Variants in TMEM117 observed in about 807,000 individuals in gnomAD.
TMEM117 encodes the protein transmembrane protein 117.
A neutral mutation model predicts 52.4 loss-of-function variants in TMEM117; 27 were observed. That is an observed-to-expected ratio of 0.51 (90% confidence interval 0.38 to 0.71). The LOEUF is 0.71. Among genes scored for constraint, TMEM117 ranks in the 30% least tolerant of loss-of-function variants. TMEM117 has a pLI of 0.00. For synonymous variants in TMEM117, 215 were observed against 206.3 expected, an observed-to-expected ratio of 1.04 and a Z score of -0.36; for missense variants, 556 against 630.5, an observed-to-expected ratio of 0.88 and a Z score of 1.26.
chr12:44,062,951 A>T (rs183620941), intron 3 of TMEM117, among the ~76,000 whole-genome samples: 34 of 152,348 alleles, frequency 2.2e-4, no homozygotes, highest in Middle Eastern at 3.4e-3. Flanking sequence ...ATGTAAACCT[A>T]AAAATGTAAT....
intron 5 of TMEM117, among the ~76,000 whole-genome samples, chr12:44,252,622 C>T (rs1399306897): frequency 2.6e-5 from 4 of 152,238 alleles, no homozygotes; most frequent in African/African-American, 4.8e-5. Flanking sequence ...TCTTCATTTG[C>T]ACATCCCTTG....
chr12:43,993,153 C>A (rs528981513), intron 3 of TMEM117, among the ~76,000 whole-genome samples: 27 of 152,152 alleles, frequency 1.8e-4, no homozygotes, highest in Non-Finnish European at 3.8e-4. Flanking sequence ...TAAAGACATT[C>A]AAGTAAACCT....
chr12:43,899,519 C>A (rs1944269704), intron 2 of TMEM117, among the ~76,000 whole-genome samples: 1 of 152,120 alleles, frequency 6.6e-6, no homozygotes, highest in Admixed American at 6.5e-5. Context: ...AGTAGTTTGC[C>A]ATATTGTGAA....
intron 3 of TMEM117, among the ~76,000 whole-genome samples, chr12:44,032,561 C>T (rs189369333): frequency 1.2e-4 from 19 of 152,240 alleles, no homozygotes; most frequent in Non-Finnish European, 2.5e-4. Context: ...CATGGAAAGC[C>T]TTCTAATTTA....
chr12:43,994,098 A>G (rs1300312021), intron 3 of TMEM117, among the ~76,000 whole-genome samples: 1 of 152,180 alleles, frequency 6.6e-6, no homozygotes, highest in Non-Finnish European at 1.5e-5. Context: ...TCAGGGACCA[A>G]CCTGAGTCCA....
At chr12:44,043,880 G>A (rs530580164) in intron 3 of TMEM117, among the ~76,000 whole-genome samples, 27 of 152,318 alleles carry the variant, frequency 1.8e-4, no homozygotes, top group African/African-American at 5.5e-4. Flanking sequence ...AGTTGGATCG[G>A]GCTGAATTTA....
At chr12:44,309,260 C>T (rs1261267082) in intron 6 of TMEM117, among the ~76,000 whole-genome samples, 1 of 152,100 alleles carries the variant, frequency 6.6e-6, no homozygotes, top group Non-Finnish European at 1.5e-5. Flanking sequence ...TGCCTAAGGT[C>T]ATAAAGTCAG....
chr12:43,797,505 G>T, the TMEM117 span: 1 of 1,443,968 alleles, frequency 6.9e-7, no homozygotes. Context: ...AGGAAATTAA[G>T]TTAAAACATA....
chr12:43,934,970 T>A (rs1320707196), intron 2 of TMEM117, among the ~76,000 whole-genome samples: 1 of 152,162 alleles, frequency 6.6e-6, no homozygotes, highest in Non-Finnish European at 1.5e-5. Context: ...GGAATAATTC[T>A]CATATTTTAG....
intron 4 of TMEM117, among the ~76,000 whole-genome samples, chr12:44,158,761 C>A (rs968438789): frequency 6.6e-6 from 1 of 151,856 alleles, no homozygotes; most frequent in Admixed American, 6.6e-5. Flanking sequence ...CATTTGGGAA[C>A]TTTAAAAAAA....
intron 2 of TMEM117, among the ~76,000 whole-genome samples, chr12:43,889,001 A>G (rs562200166): frequency 6.6e-6 from 1 of 152,024 alleles, no homozygotes; most frequent in Non-Finnish European, 1.5e-5. Context: ...TTTGTGGAAG[A>G]CAGTTTTTTC....
intron 6 of TMEM117, among the ~76,000 whole-genome samples, chr12:44,326,035 C>T (rs1010657733): frequency 6.6e-6 from 1 of 151,902 alleles, no homozygotes; most frequent in African/African-American, 2.4e-5. Flanking sequence ...TGGTGGCGTG[C>T]GCCTGGAATC....
At chr12:44,006,009 A>AC (rs1402788043) in intron 3 of TMEM117, among the ~76,000 whole-genome samples, 1 of 152,084 alleles carries the variant, frequency 6.6e-6, no homozygotes, top group Non-Finnish European at 1.5e-5. Flanking sequence ...TATATAAATT[A>AC]CCCAGTCTCG....
At chr12:44,146,746 T>C (rs1453792437) in intron 4 of TMEM117, among the ~76,000 whole-genome samples, 2 of 152,226 alleles carry the variant, frequency 1.3e-5, no homozygotes, top group Non-Finnish European at 2.9e-5. Context: ...GACCTTCATC[T>C]GTCTATAGGA....
chr12:44,183,368 A>G (rs1171452939), intron 4 of TMEM117, among the ~76,000 whole-genome samples: 1 of 152,182 alleles, frequency 6.6e-6, no homozygotes, highest in Non-Finnish European at 1.5e-5. Flanking sequence ...CATAGCTGTT[A>G]ATTGAGAATA....
At chr12:43,954,996 A>G (rs903797346) in intron 3 of TMEM117, among the ~76,000 whole-genome samples, 7 of 152,220 alleles carry the variant, frequency 4.6e-5, no homozygotes, top group African/African-American at 1.7e-4. Flanking sequence ...TAAATCAATA[A>G]TGCAATTCAC....
chr12:44,035,819 A>G (rs1331032656), intron 3 of TMEM117, among the ~76,000 whole-genome samples: 1 of 152,222 alleles, frequency 6.6e-6, no homozygotes. Flanking sequence ...GAATGGGACC[A>G]TGAATTTTCT....
chr12:44,202,248 A>T lies in TMEM117; in HGVS notation c.511-9042A>T, dbSNP rs557346540. Among the ~76,000 whole-genome samples the T allele has an allele frequency of 3.1e-3, 470 of 152,282 alleles. 3 individuals carry two copies. The highest frequency in any genetic ancestry group is 9.7e-3 in the South Asian group (47 of 4,832). ...GCCTAAATGAAGTCTAATTATAAAG[A>T]TAATTAGAACAAAATAGAAACCTTT... On this transcript the variant is annotated intron_variant, in intron 4 of 7. Transcript: ENST00000266534.
intron 7 of TMEM117, among the ~76,000 whole-genome samples, chr12:44,379,553 T>C (rs945925845): frequency 5.9e-5 from 9 of 152,210 alleles, no homozygotes; most frequent in African/African-American, 1.9e-4. Context: ...TCTGTTTCTT[T>C]TACTCTCTCT....
Sources: allele counts gnomAD v4.1 joint callset (sites outside exome capture counted in the v4.1 genomes callset), GRCh38; gene constraint gnomAD v4.1.1; transcripts MANE v1.5; gene names NCBI Gene and HGNC (gene_info 2026-07-23, HGNC 2026-07-21).